Variants in CFAP47 observed in about 807,000 individuals in gnomAD.
CFAP47 encodes cilia- and flagella-associated protein 47.
A neutral mutation model predicts 148.1 loss-of-function variants in CFAP47; 29 were observed. The ratio of observed to expected loss-of-function variants is 0.20; its 90% confidence interval spans 0.15 to 0.27. The LOEUF (loss-of-function observed/expected upper bound fraction) is 0.27, where lower values mean the gene tolerates loss of function less well. Among genes scored for constraint, CFAP47 ranks in the 10% least tolerant of loss-of-function variants. CFAP47 has a pLI of 1.00. For synonymous variants in CFAP47, 664 were observed against 577.3 expected, an observed-to-expected ratio of 1.15 and a Z score of -2.15; for missense variants, 1,872 against 1,697.5, an observed-to-expected ratio of 1.10 and a Z score of -1.81.
intron 33 of CFAP47, among the ~76,000 whole-genome samples, chrX:36,117,955 A>T (rs897896914): frequency 1.8e-5 from 2 of 111,974 alleles, no homozygotes; most frequent in Admixed American, 1.9e-4. Flanking sequence ...ATTCTTCTGC[A>T]TATAGATATC....
intron 58 of CFAP47, among the ~76,000 whole-genome samples, chrX:36,349,200 A>G (rs1941722321): frequency 8.9e-6 from 1 of 111,927 alleles, no homozygotes; most frequent in African/African-American, 3.2e-5. Flanking sequence ...CTTGCCTGCA[A>G]TGTCTTGTCT....
Position 36,319,142 on chromosome X carries a change from A to G in CFAP47, c.8345-67A>G, listed in dbSNP as rs1057427166. ...AGAGGATAATTTTTATTCTATTTCC[A>G]TCTCCACCGCTGTTTTTCTTCTTGA... is the stretch of plus-strand genomic sequence containing the variant. On this transcript the variant is annotated intron_variant, in intron 56 of 63. Coordinates refer to ENST00000378653, the MANE Select transcript of CFAP47 (RefSeq NM_001304548.2). 5.1e-5 allele frequency: 26 copies of G among 513,056 alleles called. No individual in the cohort carries two copies. In the African/African-American group the frequency reaches 6.5e-4, roughly 13 times the overall value. 42.3% of individuals were successfully genotyped at this position (513,056 alleles called of 1,213,427 possible). A position where few individuals can be genotyped will look rare whatever the true frequency, so the allele number is the denominator to read the frequency against.
chrX:35,925,235 G>A (rs551894405), intron 1 of CFAP47, among the ~76,000 whole-genome samples: 186 of 110,473 alleles, frequency 1.7e-3, no homozygotes, highest in Non-Finnish European at 1.6e-3. Context: ...TTAGCTGGGC[G>A]TGGTGGCGGG....
intron 45 of CFAP47, 101 bp downstream of exon 45, chrX:36,205,211 G>A: frequency 6.9e-6 from 2 of 289,959 alleles, no homozygotes; most frequent in Non-Finnish European, 1.2e-5. Flanking sequence ...TACTGACAAA[G>A]TGTTCATAAT....
chrX:36,179,497 A>G (rs1939725199), intron 40 of CFAP47, 75 bp downstream of exon 40: 1 of 283,876 alleles, frequency 3.5e-6, no homozygotes, highest in African/African-American at 2.8e-5. Context: ...GAAACTAGTT[A>G]TATAATTACA....
chrX:36,366,766 G>T (rs1941881146), intron 61 of CFAP47, among the ~76,000 whole-genome samples, 200 bp from the exon 62 acceptor site: 1 of 111,442 alleles, frequency 9.0e-6, no homozygotes, highest in South Asian at 3.7e-4. Flanking sequence ...AAGGGAGAAT[G>T]AAAATATAAT....
At chrX:36,309,004 A>G (rs901988469) in intron 55 of CFAP47, among the ~76,000 whole-genome samples, 1 of 111,690 alleles carries the variant, frequency 9.0e-6, no homozygotes, top group African/African-American at 3.2e-5. Context: ...CTTATATTTT[A>G]TGCAACCAGA....
At chrX:35,933,955 A>G (rs1935870772) in intron 2 of CFAP47, among the ~76,000 whole-genome samples, 1 of 111,486 alleles carries the variant, frequency 9.0e-6, no homozygotes, top group South Asian at 3.7e-4. Context: ...TGAGGTCCTT[A>G]TATATTCTGG....
chrX:36,121,506 T>C (rs1938743437), intron 33 of CFAP47, among the ~76,000 whole-genome samples: 1 of 111,180 alleles, frequency 9.0e-6, no homozygotes, highest in South Asian at 3.7e-4. Flanking sequence ...ATTTAGTGTT[T>C]TGCTTTATAT....
chrX:36,381,066 C>T (rs1556024053), intron 63 of CFAP47, among the ~76,000 whole-genome samples: 3 of 111,682 alleles, frequency 2.7e-5, no homozygotes, highest in African/African-American at 6.5e-5. Context: ...GAGTTTGAAA[C>T]GTTTAAGAAA....
At chrX:36,004,377 A>C (rs1214812371) in intron 21 of CFAP47, among the ~76,000 whole-genome samples, 1 of 111,244 alleles carries the variant, frequency 9.0e-6, no homozygotes, top group Non-Finnish European at 1.9e-5. Flanking sequence ...ATATCTAAGA[A>C]TATTGCTAAC....
intron 41 of CFAP47, among the ~76,000 whole-genome samples, chrX:36,189,464 G>A (rs1384311027): frequency 2.7e-5 from 3 of 111,352 alleles, no homozygotes; most frequent in African/African-American, 9.8e-5. Context: ...GCAGAATTCA[G>A]TTACATTATT....
chrX:36,130,212 A>G (rs1379052408), intron 33 of CFAP47, among the ~76,000 whole-genome samples: 8 of 111,418 alleles, frequency 7.2e-5, no homozygotes, highest in Non-Finnish European at 1.5e-4. Flanking sequence ...AAGGAGCTCA[A>G]ACAACTCCAT....
At chrX:36,342,295 G>A (rs949965585) in intron 57 of CFAP47, among the ~76,000 whole-genome samples, 3 of 111,890 alleles carry the variant, frequency 2.7e-5, no homozygotes, top group African/African-American at 9.7e-5. Context: ...GGTAGGTATG[G>A]ATGAACAAAA....
intron 57 of CFAP47, among the ~76,000 whole-genome samples, chrX:36,325,104 T>G (rs1941507358): frequency 8.9e-6 from 1 of 111,854 alleles, no homozygotes; most frequent in Admixed American, 9.6e-5. Flanking sequence ...TTTCAGTTAT[T>G]CGTATGTTAC....
intron 23 of CFAP47, among the ~76,000 whole-genome samples, chrX:36,032,770 T>A (rs746960253): frequency 4.5e-5 from 5 of 111,057 alleles, no homozygotes; most frequent in Non-Finnish European, 7.6e-5. Flanking sequence ...CATGACCTTA[T>A]ATCACAAAAG....
intron 29 of CFAP47, 144 bp from the exon 30 acceptor site, chrX:36,085,170 G>T: frequency 2.6e-6 from 1 of 377,610 alleles, no homozygotes; most frequent in Non-Finnish European, 4.7e-6. Flanking sequence ...CCAACAAATG[G>T]TAGCCTAGTG....
chrX:35,930,649 A>G (rs937593158), intron 2 of CFAP47, among the ~76,000 whole-genome samples: 3 of 111,329 alleles, frequency 2.7e-5, no homozygotes, highest in Non-Finnish European at 5.7e-5. Context: ...CATACTGCCT[A>G]TATTATTATG....
chrX:36,104,071 C>T (rs1938426431), intron 32 of CFAP47, among the ~76,000 whole-genome samples: 1 of 111,862 alleles, frequency 8.9e-6, no homozygotes, highest in African/African-American at 3.2e-5. Flanking sequence ...AAACAGACCT[C>T]TTAAATAAAT....
Sources: allele counts gnomAD v4.1 joint callset (sites outside exome capture counted in the v4.1 genomes callset), GRCh38; gene constraint gnomAD v4.1.1; transcripts MANE v1.5; gene names NCBI Gene and HGNC (gene_info 2026-07-23, HGNC 2026-07-21).